The following PPFIA2 variants were observed in gnomAD, a reference collection of about 807,000 sequenced individuals.
The protein encoded by PPFIA2 is liprin-alpha-2.
Under a neutral mutation model 175.5 loss-of-function variants are expected in PPFIA2, and 46 were observed. The ratio of observed to expected loss-of-function variants is 0.26; its 90% CI spans 0.21 to 0.34. The LOEUF (loss-of-function observed/expected upper bound fraction) is 0.34. Ranked by LOEUF, PPFIA2 falls within the 10% of genes least tolerant of loss-of-function variation. PPFIA2 has a pLI of 1.00. For missense variants in PPFIA2, 1,179 were observed against 1,506.1 expected (o/e 0.78, Z 3.60); for synonymous variants, 568 against 511.4 (o/e 1.11, Z -1.49).
intron 3 of PPFIA2, among the ~76,000 whole-genome samples, chr12:81,730,114 G>T (rs747709933): frequency 8.6e-5 from 13 of 151,594 alleles, no homozygotes; most frequent in Non-Finnish European, 1.9e-4. Flanking sequence ...TTGTGATCAC[G>T]TGTTACAGCA....
chr12:81,420,803 T>A lies in PPFIA2; in HGVS notation c.646-14900A>T, dbSNP rs188387321. 2.6e-3 allele frequency among the ~76,000 whole-genome samples: 396 copies of A among 151,820 alleles called. 1 individual carries two copies. Among genetic ancestry groups the A allele is most frequent in the African/African-American group, 9.2e-3 (383 of 41,440 alleles). ...CCCAAATCTCAGGAGAGAAATGGCA[T>A]GCAAATTCATGAAGCTCAAAAGTTC... On this transcript the variant is annotated intron_variant, in intron 7 of 32. Coordinates refer to ENST00000549396, the MANE Select transcript of PPFIA2 (RefSeq NM_003625.5).
chr12:81,594,729 T>C (rs1222321675), intron 4 of PPFIA2, among the ~76,000 whole-genome samples: 2 of 151,888 alleles, frequency 1.3e-5, no homozygotes, highest in East Asian at 1.9e-4. Flanking sequence ...CTGGAAAATA[T>C]AGTGAGACTT....
chr12:81,292,354 A>G (rs1193271323), intron 24 of PPFIA2: 1 of 152,062 alleles, frequency 6.6e-6, no homozygotes, highest in Non-Finnish European at 1.5e-5. Flanking sequence ...TGGCTCTTGA[A>G]CAACACAGGT....
intron 4 of PPFIA2, among the ~76,000 whole-genome samples, chr12:81,625,491 GAGTTGAATCCTGGCTCTGATACATTGTGT>G (rs1302226286): frequency 6.3e-4 from 96 of 151,946 alleles, no homozygotes; most frequent in Non-Finnish European, 1.2e-3. Flanking sequence ...TTGATGGCAT[GAGTTGAATCCTGGCTCTGATACATTGTGT>G]AGTTGAATCC....
intron 4 of PPFIA2, among the ~76,000 whole-genome samples, chr12:81,594,828 G>A (rs544440398): frequency 4.6e-5 from 7 of 152,212 alleles, no homozygotes; most frequent in African/African-American, 9.6e-5. Context: ...TGGGAGGATC[G>A]CTTGAGCCTG....
At chr12:81,538,899 G>A (rs1027756609) in intron 4 of PPFIA2, among the ~76,000 whole-genome samples, 1 of 151,924 alleles carries the variant, frequency 6.6e-6, no homozygotes, top group Non-Finnish European at 1.5e-5. Flanking sequence ...CACTTTGGCT[G>A]CTGTGTTGAG....
chr12:81,712,824 T>C (rs1376937104), intron 3 of PPFIA2, among the ~76,000 whole-genome samples: 1 of 150,886 alleles, frequency 6.6e-6, no homozygotes, highest in Non-Finnish European at 1.5e-5. Context: ...ACTTGGATTA[T>C]GGAACTGCCA....
chr12:81,463,800 C>T (rs2055087969), intron 4 of PPFIA2, among the ~76,000 whole-genome samples: 1 of 152,062 alleles, frequency 6.6e-6, no homozygotes, highest in Admixed American at 6.6e-5. Context: ...TTCTATCCCT[C>T]TCAATAGTAA....
intron 21 of PPFIA2, among the ~76,000 whole-genome samples, chr12:81,332,537 AT>A (rs2140069244): frequency 6.6e-6 from 1 of 152,180 alleles, no homozygotes; most frequent in East Asian, 1.9e-4. Flanking sequence ...TCCAAACATT[AT>A]GTCTGTATCT....
intron 17 of PPFIA2, among the ~76,000 whole-genome samples, chr12:81,349,902 T>C (rs1218431792): frequency 6.6e-6 from 1 of 152,178 alleles, no homozygotes; most frequent in East Asian, 1.9e-4. Flanking sequence ...GCTAGATTAG[T>C]TTATGAAAGA....
chr12:81,265,339 C>T (rs975454170), intron 30 of PPFIA2, among the ~76,000 whole-genome samples: 3 of 146,430 alleles, frequency 2.0e-5, no homozygotes, highest in African/African-American at 5.1e-5. Flanking sequence ...TAGAGTTAAG[C>T]GTTTGAATTA....
intron 22 of PPFIA2, among the ~76,000 whole-genome samples, chr12:81,308,677 T>C (rs763227915): frequency 6.6e-6 from 1 of 152,364 alleles, no homozygotes; most frequent in East Asian, 1.9e-4. Context: ...TCCTGGTTAA[T>C]ACATAAGGTC....
intron 4 of PPFIA2, among the ~76,000 whole-genome samples, chr12:81,521,321 G>A (rs1594411775): frequency 6.6e-6 from 1 of 152,014 alleles, no homozygotes; most frequent in African/African-American, 2.4e-5. Context: ...AGTAACTGTC[G>A]TGAGTGATAA....
intron 11 of PPFIA2, chr12:81,369,542 G>C: frequency 1.4e-6 from 1 of 702,450 alleles, no homozygotes; most frequent in Non-Finnish European, 1.8e-6. Context: ...ATAAATAAAA[G>C]TAACATAATT....
chr12:81,421,354 C>T (rs1279989294), intron 7 of PPFIA2, among the ~76,000 whole-genome samples: 1 of 151,734 alleles, frequency 6.6e-6, no homozygotes, highest in Non-Finnish European at 1.5e-5. Flanking sequence ...AATGGATACA[C>T]AATATAAAAA....
At chr12:81,653,442 T>C (rs1305216073) in intron 4 of PPFIA2, among the ~76,000 whole-genome samples, 2 of 152,084 alleles carry the variant, frequency 1.3e-5, no homozygotes, top group East Asian at 3.9e-4. Flanking sequence ...GTCAGTAGAT[T>C]TGTTTCCTTC....
chr12:81,578,173 G>T (rs2073878829), intron 4 of PPFIA2, among the ~76,000 whole-genome samples: 1 of 151,628 alleles, frequency 6.6e-6, no homozygotes, highest in Non-Finnish European at 1.5e-5. Context: ...AATCAAGAGA[G>T]GTAGGTAGAA....
Position 81,339,205 on chromosome 12 carries a change from T to C in PPFIA2, c.2523A>G (p.Lys841=), listed in dbSNP as rs1463541284. The change falls in exon 21 of 33, where the codon AAA becomes AAG. Residue 841 remains lysine, a synonymous_variant. Transcript: ENST00000549396. The part of the protein sequence containing the change: ...KSSIGRLFGK[K]EKARLGQLRG... ...GGAGCTGCCCAAGTCGAGCTTTTTC[T>C]TTTTTACCAAACAAACGTCCTATTG... 11 of 1,603,432 alleles carry C rather than the reference T, an allele frequency of 6.9e-6. No homozygotes were observed. Among genetic ancestry groups the C allele is most frequent in the Non-Finnish European group, 9.4e-6 (11 of 1,175,242 alleles).
chr12:81,649,488 T>C (rs2066679468), intron 4 of PPFIA2, among the ~76,000 whole-genome samples: 1 of 152,190 alleles, frequency 6.6e-6, no homozygotes, highest in Non-Finnish European at 1.5e-5. Flanking sequence ...ACATTTCATT[T>C]TGGCAAATGT....
Sources: gnomAD v4.1 joint callset for allele counts (sites outside exome capture counted in the v4.1 genomes callset) on GRCh38, gnomAD v4.1.1 for gene constraint, MANE v1.5 for transcripts, NCBI Gene and HGNC (gene_info 2026-07-23, HGNC 2026-07-21) for gene names.